Variants in CPED1 observed in about 807,000 individuals in gnomAD.
CPED1 encodes cadherin like and PC-esterase domain containing 1, also known as cadherin-like and PC-esterase domain-containing protein 1.
In CPED1, 114 loss-of-function variants were observed where a neutral mutation model predicts 128.2. The observed-to-expected ratio is 0.89, with a 90% CI of 0.76 to 1.04. CPED1 has a LOEUF of 1.04. Among genes scored for constraint, CPED1 ranks in the 50% least tolerant of loss-of-function variants. CPED1 has a pLI of 0.00. For synonymous variants in CPED1, 462 were observed against 426.7 expected, an observed-to-expected ratio of 1.08 and a Z score of -1.02; for missense variants, 1,211 against 1,207.1, an observed-to-expected ratio of 1.00 and a Z score of -0.05.
chr7:121,075,276 C>G lies in CPED1; in HGVS notation c.616+10963C>G, dbSNP rs1794095998. ...GGAGAAAATGATTAGCATCACAAGT[C>G]ATTTTAAGCAAACACTGGAAATACT... On this transcript the variant is annotated intron_variant, in intron 5 of 22. Transcript: ENST00000310396. 3.9e-5 allele frequency among the ~76,000 whole-genome samples: 6 copies of G among 152,216 alleles called. No homozygotes were observed. The South Asian group carries it at 1.2e-3, about 32-fold the overall frequency.
chr7:120,992,046 AAG>A (rs1414599459), intron 2 of CPED1, among the ~76,000 whole-genome samples: 1 of 152,168 alleles, frequency 6.6e-6, no homozygotes, highest in Non-Finnish European at 1.5e-5. Flanking sequence ...GTTTTGAAAA[AAG>A]AGTCAAATCA....
At chr7:121,066,310 G>A (rs973578892) in intron 5 of CPED1, among the ~76,000 whole-genome samples, 1 of 151,426 alleles carries the variant, frequency 6.6e-6, no homozygotes, top group Middle Eastern at 3.2e-3. Context: ...GACTTCAGGG[G>A]TTTTTTGTTT....
At chr7:121,154,616 G>T (rs760220286) in intron 16 of CPED1, among the ~76,000 whole-genome samples, 2 of 151,784 alleles carry the variant, frequency 1.3e-5, no homozygotes, top group South Asian at 4.2e-4. Context: ...CACAATCTTG[G>T]CTCACTACAA....
At chr7:121,066,346 G>T (rs1189608032) in intron 5 of CPED1, among the ~76,000 whole-genome samples, 1 of 151,638 alleles carries the variant, frequency 6.6e-6, no homozygotes, top group African/African-American at 2.4e-5. Flanking sequence ...CACAAAGTGG[G>T]GTTAAGAATA....
chr7:121,108,282 A>C (rs1433580497), intron 7 of CPED1, among the ~76,000 whole-genome samples: 2 of 152,276 alleles, frequency 1.3e-5, no homozygotes, highest in Admixed American at 1.3e-4. Flanking sequence ...TGTGCTTTTA[A>C]GTAGATTGCG....
In CPED1 at chr7:121,029,459, C is replaced by T. The variant is rs146116381; in HGVS notation, c.433+13611C>T. Among the ~76,000 whole-genome samples the T allele has an allele frequency of 1.4e-3, 213 of 152,210 alleles. 1 individual carries two copies. Among genetic ancestry groups the T allele is most frequent in the African/African-American group, 5.0e-3 (209 of 41,546 alleles). ...ATAGTTGTAGTATAAAACTGATGAA[C>T]TTTCTTCTGGAAAATTGTTATTTGT... On this transcript the variant is annotated intron_variant, in intron 3 of 22. Coordinates refer to ENST00000310396, the MANE Select transcript of CPED1 (RefSeq NM_024913.5).
chr7:121,115,774 G>T (rs1432662710), intron 7 of CPED1, among the ~76,000 whole-genome samples: 2 of 152,172 alleles, frequency 1.3e-5, no homozygotes, highest in Non-Finnish European at 2.9e-5. Flanking sequence ...ATTATTGGAA[G>T]TTCAAAGAAG....
intron 22 of CPED1, among the ~76,000 whole-genome samples, chr7:121,277,952 A>G (rs1438385964): frequency 6.6e-6 from 1 of 152,120 alleles, no homozygotes; most frequent in Non-Finnish European, 1.5e-5. Context: ...AGAGATGGAG[A>G]CAGGGTCAGT....
intron 22 of CPED1, among the ~76,000 whole-genome samples, chr7:121,287,246 C>T (rs912924270): frequency 6.6e-6 from 1 of 151,930 alleles, no homozygotes; most frequent in African/African-American, 2.4e-5. Context: ...CCTTTTATAC[C>T]CCCAACCTCC....
chr7:121,259,879 CTT>C (rs1367587613), intron 18 of CPED1, among the ~76,000 whole-genome samples: 2 of 152,018 alleles, frequency 1.3e-5, no homozygotes, highest in Admixed American at 6.6e-5. Flanking sequence ...GGGAATGTAA[CTT>C]AAATTTTTAA....
At chr7:121,051,345 C>T in intron 4 of CPED1, 1 of 432,062 alleles carries the variant, frequency 2.3e-6, no homozygotes, top group South Asian at 1.7e-5. Context: ...AATCCCACCT[C>T]CTCCCATTTT....
intron 5 of CPED1, 119 bp from the exon 6 acceptor site, chr7:121,097,580 G>T: frequency 1.8e-6 from 2 of 1,126,776 alleles, no homozygotes. Flanking sequence ...AGAATGGGGA[G>T]AAAAATGGTT....
At chr7:121,268,657 C>G (rs1427977242) in intron 21 of CPED1, among the ~76,000 whole-genome samples, 1 of 152,030 alleles carries the variant, frequency 6.6e-6, no homozygotes, top group Non-Finnish European at 1.5e-5. Context: ...CACACACACA[C>G]ACACATTCAC....
chr7:121,153,022 T>C (rs189119786), intron 16 of CPED1, among the ~76,000 whole-genome samples: 1 of 152,268 alleles, frequency 6.6e-6, no homozygotes, highest in East Asian at 1.9e-4. Context: ...TATTTAACAA[T>C]AAGAGAGAAA....
Position 121,110,137 on chromosome 7 carries a change from A to G in CPED1, c.918+10043A>G, listed in dbSNP as rs1459726949. Among the ~76,000 whole-genome samples the G allele has an allele frequency of 3.3e-5, 5 of 152,188 alleles. No homozygotes were observed. The East Asian group carries it at 9.6e-4, about 29-fold the overall frequency. ...TAGACAAATCTGCTTACATCTATGG[A>G]CCACTTTCCATGTCTATAAAATAGG... On this transcript the variant is annotated intron_variant, in intron 7 of 22. Transcript: ENST00000310396.
rs145128194 is a variant in CPED1 at position 121,266,382 on chromosome 7, C to A, written c.2466C>A (p.Pro822=). Residue 822 remains proline, a synonymous_variant, in exon 19 of 23, where the codon CCC becomes CCA. Coordinates refer to ENST00000310396, the MANE Select transcript of CPED1 (RefSeq NM_024913.5). The part of the protein sequence containing the change: ...GKTLISYSYY[P]QFWISPSLRP... Reference sequence around the variant, plus strand: ...CTTTGATCAGTTATTCCTACTATCCCCAGTTCTGGATAAGCCCTTCATTGA... The same window carrying A: ...CTTTGATCAGTTATTCCTACTATCCACAGTTCTGGATAAGCCCTTCATTGA... The A allele has an allele frequency of 6.2e-7, 1 of 1,613,190 alleles. No individual in the cohort carries two copies. The highest frequency in any genetic ancestry group is 1.1e-5 in the South Asian group (1 of 91,072).
chr7:121,161,522 C>G (rs893615652), intron 16 of CPED1, among the ~76,000 whole-genome samples: 2 of 152,178 alleles, frequency 1.3e-5, no homozygotes, highest in East Asian at 3.9e-4. Context: ...TTAAGGTCAA[C>G]TGATTTGGGA....
At position 120,997,938 on chromosome 7, in the gene CPED1, AAAAT is replaced by A. The variant is rs1796437219; in HGVS notation, c.249+8072_249+8075del. Among the ~76,000 whole-genome samples, 4 of 122,868 alleles carry A rather than the reference AAAAT, an allele frequency of 3.3e-5. 1 individual carries two copies. Among genetic ancestry groups the A allele is most frequent in the South Asian group, 3.0e-4 (1 of 3,352 alleles). 80.6% of individuals were successfully genotyped at this position (122,868 alleles called of 152,430 possible). On this transcript the variant is annotated intron_variant, in intron 2 of 22. Coordinates refer to ENST00000310396, the MANE Select transcript of CPED1 (RefSeq NM_024913.5). The stretch of plus-strand genomic sequence containing the variant: ...ACTCGGTCTCGAAAAAAAATAAAAT[AAAAT>A]AAAATAAAATAAAATAAAATAAAAT...
At chr7:121,040,428 A>G (rs1244422902) in intron 3 of CPED1, among the ~76,000 whole-genome samples, 1 of 152,082 alleles carries the variant, frequency 6.6e-6, no homozygotes, top group South Asian at 2.1e-4. Context: ...CTACATGAAG[A>G]GTGCAGAGTA....
Sources: gnomAD v4.1 joint callset for allele counts (sites outside exome capture counted in the v4.1 genomes callset) on GRCh38, gnomAD v4.1.1 for gene constraint, MANE v1.5 for transcripts, NCBI Gene and HGNC (gene_info 2026-07-23, HGNC 2026-07-21) for gene names.